SERPINF1: variants seen among roughly 807,000 people sequenced by gnomAD.
SERPINF1 encodes pigment epithelium-derived factor.
Under a neutral mutation model 37.3 loss-of-function variants are expected in SERPINF1, and 29 were observed. The ratio of observed to expected loss-of-function variants is 0.78; its 90% CI spans 0.58 to 1.06. SERPINF1 has a LOEUF of 1.06. SERPINF1 is among the 50% of genes least tolerant of loss of function. The probability of loss-of-function intolerance (pLI) is 0.00; values close to 1 mark genes in which losing one functional copy is unlikely to be tolerated. For synonymous variants in SERPINF1, 281 were observed against 227.9 expected, an observed-to-expected ratio of 1.23 and a Z score of -2.10; for missense variants, 553 against 532.2, an observed-to-expected ratio of 1.04 and a Z score of -0.38.
intron 3 of SERPINF1, 59 bp from the exon 4 acceptor site, chr17:1,770,970 G>C: frequency 6.2e-7 from 1 of 1,607,654 alleles, no homozygotes; most frequent in Non-Finnish European, 8.5e-7. Flanking sequence ...TTCTGGGAGG[G>C]GGCTTGATTT....
chr17:1,764,311 T>G lies in SERPINF1; in HGVS notation c.-9+2198T>G, dbSNP rs367610712. On this transcript the variant is annotated intron_variant, in intron 1 of 7. Transcript: ENST00000254722. ...TGTGTACCTCACTGAATTTTTGGTC[T>G]CTAATAAACCAGTCTGCAGAGGCTC... is the stretch of plus-strand genomic sequence containing the variant. Among the ~76,000 whole-genome samples the G allele has an allele frequency of 2.6e-5, 4 of 152,238 alleles. No individual in the cohort carries two copies. The East Asian group carries it at 5.8e-4, about 22-fold the overall frequency.
chr17:1,763,253 G>A (rs1400420454), intron 1 of SERPINF1, among the ~76,000 whole-genome samples: 1 of 152,214 alleles, frequency 6.6e-6, no homozygotes, highest in Non-Finnish European at 1.5e-5. Flanking sequence ...GGTGGCGGTG[G>A]AGGCTGTTTG....
At chr17:1,766,781 G>C (rs1341257814) in intron 1 of SERPINF1, 122 bp from the exon 2 acceptor site, 5 of 893,904 alleles carry the variant, frequency 5.6e-6, no homozygotes, top group Admixed American at 2.0e-5. Context: ...TCGCTGCAGG[G>C]GGTGGGGGAA....
In SERPINF1 at chr17:1,768,728, C is replaced by A. The variant is rs916602069; in HGVS notation, c.85-1124C>A. Among the ~76,000 whole-genome samples, 3 of 151,942 alleles carry A rather than the reference C, an allele frequency of 2.0e-5. 1 individual carries two copies. The South Asian group carries it at 6.2e-4, about 32-fold the overall frequency. ...CTGAGCTCAAGTGATCCATCTTCCT[C>A]GGCCTGCCAAAGTGCTGGGATTATA... On this transcript the variant is annotated intron_variant, in intron 2 of 7. Transcript: ENST00000254722.
chr17:1,774,670 C>A (rs759793274), intron 5 of SERPINF1, among the ~76,000 whole-genome samples: 40 of 152,100 alleles, frequency 2.6e-4, no homozygotes, highest in Non-Finnish European at 5.4e-4. Flanking sequence ...TCATGTTGGC[C>A]AGGCTGGTCT....
At chr17:1,769,314 C>T (rs920818837) in intron 2 of SERPINF1, among the ~76,000 whole-genome samples, 7 of 151,188 alleles carry the variant, frequency 4.6e-5, no homozygotes, top group African/African-American at 1.7e-4. Context: ...GAGGCTGAGG[C>T]AGGAGAATGG....
intron 5 of SERPINF1, among the ~76,000 whole-genome samples, chr17:1,774,685 C>T (rs910656442): frequency 6.6e-6 from 1 of 152,108 alleles, no homozygotes; most frequent in Non-Finnish European, 1.5e-5. Flanking sequence ...TGGTCTCAAA[C>T]TCCTGACCTC....
At chr17:1,775,609 C>T (rs2151212105) in intron 6 of SERPINF1, among the ~76,000 whole-genome samples, 1 of 150,388 alleles carries the variant, frequency 6.6e-6, no homozygotes, top group Admixed American at 6.6e-5. Flanking sequence ...GTGGCACGAT[C>T]TCGGCTCACC....
chr17:1,771,694 G>GC (rs1442613956), intron 4 of SERPINF1, 178 bp from the exon 5 acceptor site: 48 of 672,632 alleles, frequency 7.1e-5, no homozygotes, highest in Non-Finnish European at 1.1e-4. Flanking sequence ...GAAATCTGCT[G>GC]CCCCCCTGGC....
chr17:1,768,540 C>G lies in SERPINF1; in HGVS notation c.85-1312C>G, dbSNP rs187047615. ...CCATGCTGGAGTACAGTGGTGCGAT[C>G]TTGGCTCACTGCAATCTTGGCCTCC... is the stretch of plus-strand genomic sequence containing the variant. On this transcript the variant is annotated intron_variant, in intron 2 of 7. Coordinates refer to ENST00000254722, the MANE Select transcript of SERPINF1 (RefSeq NM_002615.7). 3.4e-3 allele frequency among the ~76,000 whole-genome samples: 509 copies of G among 151,792 alleles called. 2 individuals are homozygous for G. Among genetic ancestry groups the G allele is most frequent in the Non-Finnish European group, 5.5e-3 (372 of 67,950 alleles).
At chr17:1,770,877 A>G in intron 3 of SERPINF1, 152 bp from the exon 4 acceptor site, 1 of 978,868 alleles carries the variant, frequency 1.0e-6, no homozygotes, top group Non-Finnish European at 1.6e-6. Flanking sequence ...CTAAGGATGA[A>G]AATTCCTTGG....
chr17:1,764,621 G>A (rs558305300), intron 1 of SERPINF1, among the ~76,000 whole-genome samples: 1 of 152,198 alleles, frequency 6.6e-6, no homozygotes, highest in Non-Finnish European at 1.5e-5. Flanking sequence ...CTTCTTTCAT[G>A]CCTCACGATA....
intron 1 of SERPINF1, among the ~76,000 whole-genome samples, chr17:1,765,541 C>T (rs901892194): frequency 3.7e-4 from 56 of 151,906 alleles, no homozygotes; most frequent in Non-Finnish European, 7.2e-4. Flanking sequence ...AGGCTGGTCT[C>T]GAACTCCTGA....
chr17:1,777,560 C>A lies in SERPINF1; in HGVS notation c.*114C>A. The A allele has an allele frequency of 7.6e-7, 1 of 1,318,030 alleles. No homozygotes were observed. Among genetic ancestry groups the A allele is most frequent in the African/African-American group, 1.5e-5 (1 of 68,402 alleles). 81.6% of individuals were successfully genotyped at this position (1,318,030 alleles called of 1,614,324 possible). A position where few individuals can be genotyped will look rare whatever the true frequency, so the allele number is the denominator to read the frequency against. On this transcript the variant is annotated 3_prime_UTR_variant, in exon 8 of 8. Transcript: ENST00000254722. ...AATGCATACAATAAAAGAGCTTTAT[C>A]CCTAACTTCTGTTACTTCGTTCCTC...
intron 3 of SERPINF1, 119 bp downstream of exon 3, chr17:1,770,169 G>T: frequency 1.8e-6 from 2 of 1,112,318 alleles, no homozygotes; most frequent in Non-Finnish European, 2.6e-6. Context: ...TAGCACCAGG[G>T]GCCTGGCCTG....
At chr17:1,769,767 C>T in intron 2 of SERPINF1, 85 bp from the exon 3 acceptor site, 1 of 1,468,300 alleles carries the variant, frequency 6.8e-7, no homozygotes, top group Non-Finnish European at 9.5e-7. Context: ...AGAACCACCA[C>T]CCTACACAAA....
chr17:1,769,932 A>T lies in SERPINF1; in HGVS notation c.165A>T (p.Ala55=), dbSNP rs143275700. 3.1e-6 allele frequency: 5 copies of T among 1,614,228 alleles called. No individual in the cohort carries two copies. In the African/African-American group the frequency reaches 6.7e-5, roughly 22 times the overall value. The change falls in exon 3 of 8, where the codon GCA becomes GCT. Residue 55 remains alanine, a synonymous_variant. Coordinates refer to ENST00000254722, the MANE Select transcript of SERPINF1 (RefSeq NM_002615.7). ...TCAAAGTCCCCGTGAACAAGCTGGC[A>T]GCGGCTGTCTCCAACTTCGGCTATG... is the stretch of plus-strand genomic sequence containing the variant. ...PFFKVPVNKL[A]AAVSNFGYDL...
At chr17:1,773,165 TGTG>T (rs1252528083) in intron 5 of SERPINF1, among the ~76,000 whole-genome samples, 2 of 152,150 alleles carry the variant, frequency 1.3e-5, no homozygotes, top group African/African-American at 2.4e-5. Flanking sequence ...GTGAGAGACT[TGTG>T]GAGACAGAAG....
intron 2 of SERPINF1, among the ~76,000 whole-genome samples, chr17:1,768,418 G>A (rs1219147536): frequency 6.9e-5 from 9 of 129,856 alleles, no homozygotes; most frequent in African/African-American, 1.3e-4. Flanking sequence ...GCGACAGAGT[G>A]AGACTCCGTC....
Sources: gnomAD v4.1 joint callset for allele counts (sites outside exome capture counted in the v4.1 genomes callset) on GRCh38, gnomAD v4.1.1 for gene constraint, MANE v1.5 for transcripts, NCBI Gene and HGNC (gene_info 2026-07-23, HGNC 2026-07-21) for gene names.